Variants in THSD7A observed in about 807,000 individuals in gnomAD.
THSD7A encodes thrombospondin type 1 domain containing 7A, also known as thrombospondin type-1 domain-containing protein 7A.
Under a neutral mutation model 231.3 loss-of-function variants are expected in THSD7A, and 96 were observed. The observed-to-expected ratio is 0.41, with a 90% confidence interval of 0.35 to 0.49. The LOEUF (loss-of-function observed/expected upper bound fraction) is 0.49. THSD7A is among the 20% of genes least tolerant of loss of function. The pLI is 0.05. For synonymous variants in THSD7A, 940 were observed against 743.3 expected (o/e 1.26, Z -4.30); for missense variants, 2,290 against 2,070.2 (o/e 1.11, Z -2.06).
intron 1 of THSD7A, among the ~76,000 whole-genome samples, chr7:11,639,278 C>T (rs1274843410): frequency 1.3e-5 from 2 of 152,070 alleles, no homozygotes; most frequent in African/African-American, 2.4e-5. Flanking sequence ...AGTCTTTTAT[C>T]CTCAGAGTGT....
chr7:11,424,321 T>G (rs1168952037), intron 16 of THSD7A, among the ~76,000 whole-genome samples: 2 of 152,218 alleles, frequency 1.3e-5, no homozygotes, highest in African/African-American at 2.4e-5. Flanking sequence ...AGGATAGTAT[T>G]CAGTTAGCCA....
intron 4 of THSD7A, among the ~76,000 whole-genome samples, chr7:11,561,302 T>A (rs988417538): frequency 1.3e-5 from 2 of 152,198 alleles, no homozygotes; most frequent in Admixed American, 1.3e-4. Flanking sequence ...TGTAGTAACA[T>A]AATATGATTG....
chr7:11,551,675 T>G (rs1254612784), intron 4 of THSD7A, among the ~76,000 whole-genome samples: 1 of 152,048 alleles, frequency 6.6e-6, no homozygotes, highest in Non-Finnish European at 1.5e-5. Context: ...GAATGGCTAC[T>G]ATTAAAAAGT....
intron 1 of THSD7A, among the ~76,000 whole-genome samples, chr7:11,701,341 G>T (rs1160546053): frequency 1.3e-5 from 2 of 150,966 alleles, no homozygotes; most frequent in African/African-American, 4.9e-5. Context: ...TTTCTTTAAC[G>T]ATGTGAAAAC....
intron 1 of THSD7A, among the ~76,000 whole-genome samples, chr7:11,656,071 A>T (rs1246738415): frequency 6.6e-6 from 1 of 151,774 alleles, no homozygotes; most frequent in Non-Finnish European, 1.5e-5. Flanking sequence ...CAGTTATCAC[A>T]CCCACAAAGT....
intron 6 of THSD7A, among the ~76,000 whole-genome samples, chr7:11,483,693 C>T (rs1241170017): frequency 6.6e-6 from 1 of 152,086 alleles, no homozygotes; most frequent in Non-Finnish European, 1.5e-5. Context: ...TCTCTTATAT[C>T]TTATTTTCTT....
intron 1 of THSD7A, among the ~76,000 whole-genome samples, chr7:11,678,177 TGGGACACAGCTAAAGC>T (rs1036888284): frequency 6.6e-6 from 1 of 152,116 alleles, no homozygotes; most frequent in African/African-American, 2.4e-5. Context: ...CCAGAATATC[TGGGACACAGCTAAAGC>T]GGTGTCTAGA....
In THSD7A at chr7:11,382,552, C is replaced by T; in HGVS notation, c.4476G>A (p.Trp1492Ter). The T allele has an allele frequency of 6.2e-7, 1 of 1,612,856 alleles. No individual in the cohort carries two copies. Among genetic ancestry groups the T allele is most frequent in the South Asian group, 1.1e-5 (1 of 90,998 alleles). The change falls in exon 24 of 28, where the codon TGG becomes TGA. Residue 1492 changes from tryptophan (W) to a stop codon, truncating the protein, a stop_gained. Transcript: ENST00000423059. LOFTEE classifies it high-confidence loss of function. ...CATTTATACCATCTGACCTTTGACA[C>T]CACACTGTTCGGGAAGAGCCCTTCC... The part of the protein sequence containing the change: ...SAWKGSSRTV[W>*]CQRSDGINVT...
chr7:11,664,662 T>G (rs1783052975), intron 1 of THSD7A, among the ~76,000 whole-genome samples: 1 of 151,952 alleles, frequency 6.6e-6, no homozygotes, highest in African/African-American at 2.4e-5. Flanking sequence ...AGATACATAC[T>G]TTCCAAAGCA....
At chr7:11,563,206 T>A (rs1583980121) in intron 4 of THSD7A, among the ~76,000 whole-genome samples, 2 of 148,124 alleles carry the variant, frequency 1.4e-5, no homozygotes, top group Non-Finnish European at 3.0e-5. Context: ...TTAAAAAAAA[T>A]TTATAACACA....
intron 2 of THSD7A, among the ~76,000 whole-genome samples, chr7:11,594,431 A>G (rs992269861): frequency 2.0e-5 from 3 of 152,144 alleles, no homozygotes; most frequent in Non-Finnish European, 2.9e-5. Flanking sequence ...TGGCTGCTTA[A>G]TATTAGACCC....
intron 4 of THSD7A, among the ~76,000 whole-genome samples, chr7:11,581,585 T>A (rs1791168565): frequency 6.6e-6 from 1 of 152,106 alleles, no homozygotes; most frequent in South Asian, 2.1e-4. Flanking sequence ...TTTTAGAAGT[T>A]GGCAATTGCT....
intron 18 of THSD7A, 48 bp downstream of exon 18, chr7:11,412,608 G>A (rs751673559): frequency 6.2e-7 from 1 of 1,608,312 alleles, no homozygotes; most frequent in Non-Finnish European, 8.5e-7. Context: ...AGAGCTGACA[G>A]ACACAGGATT....
intron 1 of THSD7A, among the ~76,000 whole-genome samples, chr7:11,753,029 G>C (rs1782555734): frequency 6.6e-6 from 1 of 152,024 alleles, no homozygotes; most frequent in South Asian, 2.1e-4. Flanking sequence ...TAAAGTGTTA[G>C]TTTATAAAAT....
chr7:11,756,388 G>A (rs1283861729), intron 1 of THSD7A, among the ~76,000 whole-genome samples: 1 of 152,054 alleles, frequency 6.6e-6, no homozygotes, highest in Non-Finnish European at 1.5e-5. Flanking sequence ...GAGTGGAGAA[G>A]AGGAGGAGAG....
chr7:11,749,771 A>C (rs58678528), intron 1 of THSD7A, among the ~76,000 whole-genome samples: 4,083 of 152,012 alleles, frequency 0.027, 202 homozygotes, highest in African/African-American at 0.094. Flanking sequence ...TCACAATGTA[A>C]ATTTTGATGA....
intron 6 of THSD7A, among the ~76,000 whole-genome samples, chr7:11,501,152 G>T (rs1787320370): frequency 6.6e-6 from 1 of 152,068 alleles, no homozygotes; most frequent in African/African-American, 2.4e-5. Context: ...GACCTACAAA[G>T]AGACATAGAC....
intron 1 of THSD7A, among the ~76,000 whole-genome samples, chr7:11,747,651 G>C (rs1425158279): frequency 6.6e-6 from 1 of 151,924 alleles, no homozygotes; most frequent in Admixed American, 6.6e-5. Context: ...ATCTAGCATG[G>C]ATAGAAAGAC....
chr7:11,614,914 A>AG (rs1781055375), intron 2 of THSD7A, among the ~76,000 whole-genome samples: 1 of 152,206 alleles, frequency 6.6e-6, no homozygotes. Context: ...TTTGTAAAAA[A>AG]GAAAGTGAAA....
Sources: allele counts gnomAD v4.1 joint callset (sites outside exome capture counted in the v4.1 genomes callset), GRCh38; gene constraint gnomAD v4.1.1; transcripts MANE v1.5; gene names NCBI Gene and HGNC (gene_info 2026-07-23, HGNC 2026-07-21).